Variants in IQGAP2 observed in about 807,000 individuals in gnomAD.
The protein encoded by IQGAP2 is ras GTPase-activating-like protein IQGAP2.
A neutral mutation model predicts 201.3 loss-of-function variants in IQGAP2; 173 were observed. The ratio of observed to expected loss-of-function variants is 0.86; its 90% CI spans 0.76 to 0.98. The LOEUF is 0.98. IQGAP2 is among the 50% of genes least tolerant of loss of function. The probability of loss-of-function intolerance (pLI) is 0.00; values close to 1 mark genes in which losing one functional copy is unlikely to be tolerated. For synonymous variants in IQGAP2, 675 were observed against 673.9 expected, an observed-to-expected ratio of 1.00 and a Z score of -0.03; for missense variants, 1,687 against 1,864.8, an observed-to-expected ratio of 0.90 and a Z score of 1.76.
At chr5:76,558,276 C>A (rs1412697832) in intron 2 of IQGAP2, among the ~76,000 whole-genome samples, 1 of 152,154 alleles carries the variant, frequency 6.6e-6, no homozygotes, top group East Asian at 1.9e-4. Flanking sequence ...CTCTTGCTAC[C>A]AATTGTCAGT....
chr5:76,566,028 G>A (rs953341491), intron 3 of IQGAP2, among the ~76,000 whole-genome samples: 1 of 152,114 alleles, frequency 6.6e-6, no homozygotes, highest in Non-Finnish European at 1.5e-5. Flanking sequence ...ATAACAAATT[G>A]CAATACAGTT....
At chr5:76,421,857 T>G (rs1751749115) in intron 1 of IQGAP2, among the ~76,000 whole-genome samples, 1 of 152,200 alleles carries the variant, frequency 6.6e-6, no homozygotes, top group African/African-American at 2.4e-5. Flanking sequence ...AATAGAATAT[T>G]GTTTTGTTAA....
intron 2 of IQGAP2, among the ~76,000 whole-genome samples, chr5:76,466,316 C>T (rs765259105): frequency 6.6e-6 from 1 of 152,098 alleles, no homozygotes; most frequent in Non-Finnish European, 1.5e-5. Context: ...GGCTGGATGA[C>T]AGAGCAAGAC....
At chr5:76,605,115 G>A (rs1043832746) in intron 11 of IQGAP2, among the ~76,000 whole-genome samples, 30 of 152,106 alleles carry the variant, frequency 2.0e-4, no homozygotes, top group Admixed American at 1.1e-3. Context: ...ATTAATTTTC[G>A]CTGGAATAGT....
At chr5:76,647,117 C>A (rs1273979562) in intron 17 of IQGAP2, among the ~76,000 whole-genome samples, 3 of 151,974 alleles carry the variant, frequency 2.0e-5, no homozygotes, top group Non-Finnish European at 4.4e-5. Context: ...TTTGGGCTTG[C>A]CTCTGCTTCT....
intron 12 of IQGAP2, 28 bp from the exon 13 acceptor site, chr5:76,610,992 A>C (rs777335259): frequency 6.3e-7 from 1 of 1,590,694 alleles, no homozygotes; most frequent in African/African-American, 1.4e-5. Flanking sequence ...CTGTGACTTA[A>C]AAGGAAAACT....
intron 1 of IQGAP2, among the ~76,000 whole-genome samples, chr5:76,446,034 A>G (rs925528166): frequency 6.6e-6 from 1 of 152,218 alleles, no homozygotes; most frequent in Non-Finnish European, 1.5e-5. Context: ...CCTTTTTAAG[A>G]ATGAATAATA....
chr5:76,533,685 C>T (rs1341188905), intron 2 of IQGAP2, among the ~76,000 whole-genome samples: 10 of 152,012 alleles, frequency 6.6e-5, no homozygotes, highest in Non-Finnish European at 1.5e-5. Flanking sequence ...GGACTACAGG[C>T]ACCCACCACA....
intron 2 of IQGAP2, among the ~76,000 whole-genome samples, chr5:76,520,935 C>T (rs550065290): frequency 6.6e-6 from 1 of 151,848 alleles, no homozygotes; most frequent in Admixed American, 6.6e-5. Flanking sequence ...TCTCAAATTC[C>T]TTACCTCATG....
intron 15 of IQGAP2, among the ~76,000 whole-genome samples, chr5:76,635,359 C>G (rs1340750805): frequency 3.3e-5 from 5 of 152,136 alleles, no homozygotes; most frequent in Non-Finnish European, 5.9e-5. Flanking sequence ...AATCAAAGTT[C>G]AAGTGAATTG....
intron 2 of IQGAP2, among the ~76,000 whole-genome samples, chr5:76,551,005 GA>G (rs1466525212): frequency 4.0e-5 from 6 of 150,918 alleles, no homozygotes; most frequent in Admixed American, 3.9e-4. Flanking sequence ...CTCCCTCCCG[GA>G]CGGGGGTGGC....
chr5:76,403,609 G>T lies in IQGAP2; in HGVS notation c.46+18G>T. ...CTATGGCTGTAAGTGCGCCGGGCGC[G>T]CGGGGTTCCTGCTGGCCTTGGGGAG... On this transcript the variant is annotated intron_variant, in intron 1 of 35. Coordinates refer to ENST00000274364, the MANE Select transcript of IQGAP2 (RefSeq NM_006633.5). The surrounding 1 kb of genome is among the most constrained non-coding windows in gnomAD (Gnocchi z 4.8). The T allele has an allele frequency of 6.6e-7, 1 of 1,523,002 alleles. No individual in the cohort carries two copies. Among genetic ancestry groups the T allele is most frequent in the Non-Finnish European group, 8.8e-7 (1 of 1,138,018 alleles). The allele number at this position is 1,523,002 out of a possible 1,614,324, so 94.3% of individuals were successfully genotyped here.
chr5:76,479,829 G>A (rs1483862888), intron 2 of IQGAP2, among the ~76,000 whole-genome samples: 1 of 152,112 alleles, frequency 6.6e-6, no homozygotes, highest in Non-Finnish European at 1.5e-5. Context: ...ATATTCAGAA[G>A]TCTTGTGGCT....
intron 5 of IQGAP2, among the ~76,000 whole-genome samples, chr5:76,580,049 G>T (rs1316535291): frequency 1.3e-5 from 2 of 152,196 alleles, no homozygotes; most frequent in African/African-American, 4.8e-5. Context: ...GCTGAGGCAG[G>T]CAGATCATGT....
chr5:76,514,597 G>A (rs992170931), intron 2 of IQGAP2, among the ~76,000 whole-genome samples: 3 of 152,156 alleles, frequency 2.0e-5, no homozygotes, highest in African/African-American at 7.2e-5. Context: ...TCCCTCCTCG[G>A]TTTCTCCATC....
chr5:76,570,631 G>A lies in IQGAP2; in HGVS notation c.355G>A (p.Ala119Thr). Residue 119 changes from alanine to threonine, a missense_variant, in exon 4 of 36, where the codon GCG becomes ACG. Coordinates refer to ENST00000274364, the MANE Select transcript of IQGAP2 (RefSeq NM_006633.5). ...HTDNTVQWLR[A>T]MESIGLPKIF... ...AGATAATACCGTCCAGTGGTTAAGA[G>A]CGATGGAGTCTATTGGTCTACCCAA... The A allele has an allele frequency of 2.5e-6, 4 of 1,613,686 alleles. No individual in the cohort carries two copies. The highest frequency in any genetic ancestry group is 3.4e-6 in the Non-Finnish European group (4 of 1,179,574).
chr5:76,417,563 G>A (rs1751480206), intron 1 of IQGAP2, among the ~76,000 whole-genome samples: 1 of 152,074 alleles, frequency 6.6e-6, no homozygotes, highest in Non-Finnish European at 1.5e-5. Flanking sequence ...GGGATTACAG[G>A]TGTAAGCCAC....
At chr5:76,487,087 G>T (rs1481996780) in intron 2 of IQGAP2, among the ~76,000 whole-genome samples, 3 of 143,462 alleles carry the variant, frequency 2.1e-5, no homozygotes, top group Non-Finnish European at 3.0e-5. Context: ...AATGTTTATT[G>T]GTATTTCTTT....
chr5:76,425,720 G>T (rs560685061), intron 1 of IQGAP2, among the ~76,000 whole-genome samples: 2 of 152,256 alleles, frequency 1.3e-5, no homozygotes, highest in Admixed American at 6.5e-5. Flanking sequence ...GATTTGACTA[G>T]TGTGGGCTAA....
Sources: gnomAD v4.1 joint callset for allele counts (sites outside exome capture counted in the v4.1 genomes callset) on GRCh38, gnomAD v4.1.1 for gene constraint, Gnocchi (gnomAD v3.1) non-coding constraint, MANE v1.5 for transcripts, NCBI Gene and HGNC (gene_info 2026-07-23, HGNC 2026-07-21) for gene names.